Variants in ELL observed in about 807,000 individuals in gnomAD.
ELL encodes RNA polymerase II elongation factor ELL.
Under a neutral mutation model 64.0 loss-of-function variants are expected in ELL, and 18 were observed. That is an observed-to-expected ratio of 0.28 (90% CI 0.19 to 0.42). The LOEUF (loss-of-function observed/expected upper bound fraction) is 0.42. ELL is among the 10% of genes least tolerant of loss of function. ELL has a pLI of 1.00. For missense variants in ELL, 797 were observed against 870.4 expected, an observed-to-expected ratio of 0.92 and a Z score of 1.06; for synonymous variants, 399 against 376.2, an observed-to-expected ratio of 1.06 and a Z score of -0.70.
chr19:18,498,119 C>G (rs1975699641), intron 1 of ELL, among the ~76,000 whole-genome samples: 1 of 151,166 alleles, frequency 6.6e-6, no homozygotes, highest in African/African-American at 2.4e-5. Flanking sequence ...AAGAGCGAAA[C>G]TTGGTCTCAA....
intron 8 of ELL, among the ~76,000 whole-genome samples, chr19:18,447,623 C>G (rs979348532): frequency 6.6e-6 from 1 of 152,220 alleles, no homozygotes; most frequent in Non-Finnish European, 1.5e-5. Context: ...TAAGACAACA[C>G]CCCTGAGGGT....
At chr19:18,509,475 C>A (rs1384782335) in intron 1 of ELL, among the ~76,000 whole-genome samples, 1 of 152,248 alleles carries the variant, frequency 6.6e-6, no homozygotes, top group South Asian at 2.1e-4. Flanking sequence ...GCCGCCCCCA[C>A]CCGGCCCCTT....
At position 18,450,654 on chromosome 19, in the gene ELL, G is replaced by C. The variant is rs1338520469; in HGVS notation, c.1288C>G (p.Leu430Val). ...CTGCTGGGCTGGGCACAGTCCGTCA[G>C]CAGGGGCAGGCCGAGGCGCACAGTG... Reference protein sequence around the residue: ...APTVRLGLPLLTDCAQPSRPH... With the variant: ...APTVRLGLPLVTDCAQPSRPH... The change falls in exon 8 of 12, where the codon CTG becomes GTG. Residue 430 changes from leucine (L) to valine (V), a missense_variant. Physicochemically the swap from Leu to Val is conservative, Grantham distance 32 (BLOSUM62 1). Coordinates refer to ENST00000262809, the MANE Select transcript of ELL (RefSeq NM_006532.4). 1.3e-6 allele frequency: 2 copies of C among 1,598,092 alleles called. No individual in the cohort carries two copies. Among genetic ancestry groups the C allele is most frequent in the African/African-American group, 2.7e-5 (2 of 74,848 alleles).
At chr19:18,461,267 C>T (rs73923116) in intron 5 of ELL, among the ~76,000 whole-genome samples, 2,593 of 152,342 alleles carry the variant, frequency 0.017, 74 homozygotes, top group African/African-American at 0.059. Context: ...CAACTGAAGC[C>T]TGAATCCACT....
intron 1 of ELL, among the ~76,000 whole-genome samples, chr19:18,513,552 T>G (rs1976070878): frequency 6.6e-6 from 1 of 152,164 alleles, no homozygotes; most frequent in Non-Finnish European, 1.5e-5. Context: ...GACTTGCTAA[T>G]TTTAGGTACA....
chr19:18,475,208 G>A (rs1054835476), intron 1 of ELL, among the ~76,000 whole-genome samples: 7 of 152,084 alleles, frequency 4.6e-5, no homozygotes, highest in South Asian at 2.1e-4. Context: ...AAAAGACACC[G>A]GATGCCATTA....
chr19:18,453,864 C>T (rs936363973), intron 6 of ELL, among the ~76,000 whole-genome samples: 5 of 152,188 alleles, frequency 3.3e-5, no homozygotes, highest in African/African-American at 9.7e-5. Context: ...CCACCACGCC[C>T]GGTCCTGATT....
At position 18,465,690 on chromosome 19, in the gene ELL, C is replaced by T. The variant is rs1042693622; in HGVS notation, c.305+107G>A. ...CCTGGAAAATGGACTCTGTCAACAC[C>T]ATCTCAGGCAATATGGTTTCAATGG... is the stretch of plus-strand genomic sequence containing the variant. On this transcript the variant is annotated intron_variant, in intron 3 of 11. Coordinates refer to ENST00000262809, the MANE Select transcript of ELL (RefSeq NM_006532.4). 5 of 1,473,012 alleles carry T rather than the reference C, an allele frequency of 3.4e-6. No homozygotes were observed. In the African/African-American group the frequency reaches 4.3e-5, roughly 13 times the overall value. 91.2% of individuals were successfully genotyped at this position (1,473,012 alleles called of 1,614,324 possible). A position where few individuals can be genotyped will look rare whatever the true frequency, so the allele number is the denominator to read the frequency against.
chr19:18,462,325 C>T (rs1404283339), intron 4 of ELL, among the ~76,000 whole-genome samples: 5 of 113,570 alleles, frequency 4.4e-5, no homozygotes, highest in Non-Finnish European at 8.2e-5. Context: ...CACCTGATCA[C>T]TCTAGTGGGC....
intron 1 of ELL, among the ~76,000 whole-genome samples, chr19:18,497,639 C>A (rs1217421092): frequency 1.3e-5 from 2 of 151,430 alleles, no homozygotes; most frequent in Non-Finnish European, 2.9e-5. Context: ...AGCAACACAG[C>A]AAGACTGTCT....
intron 2 of ELL, chr19:18,471,075 T>TA: frequency 1.4e-5 from 6 of 423,446 alleles, no homozygotes; most frequent in Admixed American, 8.9e-5. Context: ...ATGGTAACTC[T>TA]AAAAGAAAAA....
intron 1 of ELL, among the ~76,000 whole-genome samples, chr19:18,509,060 TG>T (rs1975943619): frequency 6.6e-6 from 1 of 152,056 alleles, no homozygotes; most frequent in Non-Finnish European, 1.5e-5. Flanking sequence ...ACTAATTCCA[TG>T]GGGAAATGGA....
intron 1 of ELL, among the ~76,000 whole-genome samples, chr19:18,494,108 A>G (rs1327054901): frequency 6.6e-6 from 1 of 152,144 alleles, no homozygotes; most frequent in African/African-American, 2.4e-5. Flanking sequence ...GCCACAAAAA[A>G]AAGTTTCTGT....
intron 1 of ELL, among the ~76,000 whole-genome samples, chr19:18,504,096 C>T (rs934571665): frequency 2.6e-5 from 4 of 152,252 alleles, no homozygotes; most frequent in African/African-American, 4.8e-5. Flanking sequence ...GCTGTCACGG[C>T]GGATGCAGGG....
chr19:18,486,211 G>A (rs915365644), intron 1 of ELL, among the ~76,000 whole-genome samples: 4 of 152,172 alleles, frequency 2.6e-5, no homozygotes, highest in African/African-American at 9.7e-5. Context: ...AATCTGGGGA[G>A]GGGCTTCTGT....
At chr19:18,517,553 C>A (rs554031858) in intron 1 of ELL, among the ~76,000 whole-genome samples, 1 of 152,016 alleles carries the variant, frequency 6.6e-6, no homozygotes, top group Non-Finnish European at 1.5e-5. Context: ...GCCCGGCCAT[C>A]CCATGCAGGT....
At chr19:18,500,227 A>C (rs1975752808) in intron 1 of ELL, among the ~76,000 whole-genome samples, 1 of 144,506 alleles carries the variant, frequency 6.9e-6, no homozygotes, top group African/African-American at 2.6e-5. Context: ...GTGCCATTGC[A>C]CTCCAGCCTG....
chr19:18,483,834 C>A (rs1021141791), intron 1 of ELL, among the ~76,000 whole-genome samples: 2 of 152,206 alleles, frequency 1.3e-5, no homozygotes, highest in Non-Finnish European at 2.9e-5. Flanking sequence ...AAGCACCCTG[C>A]CTGCCCTGCC....
chr19:18,506,814 G>C (rs1243227333), intron 1 of ELL, among the ~76,000 whole-genome samples: 1 of 152,300 alleles, frequency 6.6e-6, no homozygotes, highest in South Asian at 2.1e-4. Context: ...AGAGATTAGA[G>C]GGAACTCTCC....
Sources: gnomAD v4.1 joint callset for allele counts (sites outside exome capture counted in the v4.1 genomes callset) on GRCh38, gnomAD v4.1.1 for gene constraint, MANE v1.5 for transcripts, NCBI Gene and HGNC (gene_info 2026-07-23, HGNC 2026-07-21) for gene names.